RNF144B: variants seen among roughly 807,000 people sequenced by gnomAD.
The protein encoded by RNF144B is E3 ubiquitin-protein ligase RNF144B.
Under a neutral mutation model 40.2 loss-of-function variants are expected in RNF144B, and 25 were observed. The ratio of observed to expected loss-of-function variants is 0.62; its 90% CI spans 0.45 to 0.87. The LOEUF (loss-of-function observed/expected upper bound fraction) is 0.87. RNF144B is among the 40% of genes least tolerant of loss of function. The probability of loss-of-function intolerance (pLI) is 0.00; values close to 1 mark genes in which losing one functional copy is unlikely to be tolerated. For missense variants in RNF144B, 365 were observed against 373.7 expected, an observed-to-expected ratio of 0.98 and a Z score of 0.19; for synonymous variants, 145 against 136.3, an observed-to-expected ratio of 1.06 and a Z score of -0.44.
Position 18,457,023 on chromosome 6 carries a change from T to G in RNF144B, c.332-132T>G, listed in dbSNP as rs1759343968. ...TTGCAGTGAGCTGAAATCATGCCAC[T>G]GTACTCCAGCCTGGGCGACAGAGTG... On this transcript the variant is annotated intron_variant, in intron 4 of 7. Coordinates refer to ENST00000259939, the MANE Select transcript of RNF144B (RefSeq NM_182757.4). The surrounding 1 kb of genome is among the most constrained non-coding windows in gnomAD (Gnocchi z 5.1). 1.0e-5 allele frequency: 8 copies of G among 774,312 alleles called. No individual in the cohort carries two copies. Among genetic ancestry groups the G allele is most frequent in the Non-Finnish European group, 1.8e-5 (8 of 442,334 alleles). 48.0% of individuals were successfully genotyped at this position (774,312 alleles called of 1,614,324 possible).
In RNF144B at chr6:18,410,791, G is replaced by T. The variant is rs957817813; in HGVS notation, c.165+11092G>T. On this transcript the variant is annotated intron_variant, in intron 2 of 7. Transcript: ENST00000259939. The surrounding 1 kb of genome is among the most constrained non-coding windows in gnomAD (Gnocchi z 4.6). ...AGAGAATGGACTGAAAGTGGGCAAG[G>T]CTGGAGCAGGAGGAGGGAACCATGG... 3.3e-5 allele frequency among the ~76,000 whole-genome samples: 5 copies of T among 152,158 alleles called. No individual in the cohort carries two copies. Among genetic ancestry groups the T allele is most frequent in the Admixed American group, 6.5e-5 (1 of 15,286 alleles).
At chr6:18,390,712 G>A (rs1015868088) in intron 1 of RNF144B, among the ~76,000 whole-genome samples, 8 of 152,204 alleles carry the variant, frequency 5.3e-5, no homozygotes, top group African/African-American at 1.9e-4. Context: ...ACTCGTTTCT[G>A]TCTGTTGAAC....
chr6:18,401,441 G>A, intron 2 of RNF144B, among the ~76,000 whole-genome samples: 1 of 152,202 alleles, frequency 6.6e-6, no homozygotes, highest in East Asian at 1.9e-4. Context: ...ATGTTTTTTG[G>A]TATCCCTCAA....
chr6:18,388,729 G>A (rs774313092), intron 1 of RNF144B, among the ~76,000 whole-genome samples: 1 of 151,986 alleles, frequency 6.6e-6, no homozygotes, highest in Non-Finnish European at 1.5e-5. Flanking sequence ...AAAGCCACTT[G>A]TAGATAATTG....
chr6:18,447,925 G>T lies in RNF144B; in HGVS notation c.331+8181G>T, dbSNP rs752024809. 7.9e-5 allele frequency among the ~76,000 whole-genome samples: 12 copies of T among 152,224 alleles called. No individual in the cohort carries two copies. The East Asian group carries it at 2.3e-3, about 29-fold the overall frequency. On this transcript the variant is annotated intron_variant, in intron 4 of 7. Transcript: ENST00000259939. This position sits in a 1 kb window ranked among gnomAD's most constrained non-coding sequence, Gnocchi z 5.6. ...GCCAGAAATATGAATCCAGAAGGTGGGTGAAGACAGTGTTTAAGGAGGAGA... is the reference window on the plus strand; with the variant it reads ...GCCAGAAATATGAATCCAGAAGGTGTGTGAAGACAGTGTTTAAGGAGGAGA...
chr6:18,417,754 G>A (rs1253810229), intron 2 of RNF144B, among the ~76,000 whole-genome samples: 1 of 152,126 alleles, frequency 6.6e-6, no homozygotes, highest in Admixed American at 6.6e-5. Flanking sequence ...CAAAATTAAA[G>A]ACCTTTTTGC....
Position 18,459,510 on chromosome 6 carries a change from T to C in RNF144B, c.537-97T>C, listed in dbSNP as rs1238571905. On this transcript the variant is annotated intron_variant, in intron 5 of 7. Coordinates refer to ENST00000259939, the MANE Select transcript of RNF144B (RefSeq NM_182757.4). This position sits in a 1 kb window ranked among gnomAD's most constrained non-coding sequence, Gnocchi z 4.2. ...CTTTCTTTTGGAAGTGAATTAAGCA[T>C]GGATAACTGTGAGTTCATTATCTAA... 2 of 1,239,582 alleles carry C rather than the reference T, an allele frequency of 1.6e-6. No homozygotes were observed. The highest frequency in any genetic ancestry group is 2.9e-4 in the Middle Eastern group (1 of 3,462). 76.8% of individuals were successfully genotyped at this position (1,239,582 alleles called of 1,614,324 possible).
rs138220853 is a variant in RNF144B, at chr6:18,400,615, G to A, written c.165+916G>A. ...AAGGTTGGTCGGTTAAGGTATAAAGGTAGGAAATAGATTGAGTTCCTGTAG... is the reference window on the plus strand; with the variant it reads ...AAGGTTGGTCGGTTAAGGTATAAAGATAGGAAATAGATTGAGTTCCTGTAG... On this transcript the variant is annotated intron_variant, in intron 2 of 7. Transcript: ENST00000259939. The surrounding 1 kb of genome is among the most constrained non-coding windows in gnomAD (Gnocchi z 5.6). 1.3e-5 allele frequency among the ~76,000 whole-genome samples: 2 copies of A among 152,250 alleles called. No homozygotes were observed. Among genetic ancestry groups the A allele is most frequent in the Non-Finnish European group, 1.5e-5 (1 of 68,022 alleles).
chr6:18,390,350 C>T (rs1424594788), intron 1 of RNF144B, among the ~76,000 whole-genome samples: 1 of 151,996 alleles, frequency 6.6e-6, no homozygotes, highest in East Asian at 1.9e-4. Flanking sequence ...TGCTATTTAC[C>T]CAGTCGGTGA....
Position 18,450,994 on chromosome 6 carries a change from G to A in RNF144B, c.332-6161G>A, listed in dbSNP as rs370783024. On this transcript the variant is annotated intron_variant, in intron 4 of 7. Coordinates refer to ENST00000259939, the MANE Select transcript of RNF144B (RefSeq NM_182757.4). The surrounding 1 kb of genome is among the most constrained non-coding windows in gnomAD (Gnocchi z 4.7). ...CCTGTTTTTAGAGTTGATTAAAGGGGAAACTACATTTGGATATTTGGATAA... is the reference window on the plus strand; with the variant it reads ...CCTGTTTTTAGAGTTGATTAAAGGGAAAACTACATTTGGATATTTGGATAA... 3.0e-4 allele frequency among the ~76,000 whole-genome samples: 46 copies of A among 152,224 alleles called. No individual in the cohort carries two copies. Among genetic ancestry groups the A allele is most frequent in the African/African-American group, 1.1e-3 (45 of 41,536 alleles).
intron 2 of RNF144B, 118 bp downstream of exon 2, chr6:18,399,817 G>C (rs962890156): frequency 7.8e-6 from 6 of 769,972 alleles, no homozygotes; most frequent in Non-Finnish European, 1.2e-5. Context: ...ATCCTGCTTT[G>C]GAAAGCATTT....
At position 18,441,737 on chromosome 6, in the gene RNF144B, G is replaced by A. The variant is rs1199937490; in HGVS notation, c.331+1993G>A. ...TGGTAAGCTGTGTGACCATGGCAAG[G>A]TCCTTAATATTTCTGCATCTCAACT... On this transcript the variant is annotated intron_variant, in intron 4 of 7. Coordinates refer to ENST00000259939, the MANE Select transcript of RNF144B (RefSeq NM_182757.4). The surrounding 1 kb of genome is among the most constrained non-coding windows in gnomAD (Gnocchi z 4.9). Among the ~76,000 whole-genome samples, 1 of 152,126 alleles carries A rather than the reference G, an allele frequency of 6.6e-6. No individual in the cohort carries two copies. Among genetic ancestry groups the A allele is most frequent in the Admixed American group, 6.6e-5 (1 of 15,254 alleles).
chr6:18,416,405 C>T lies in RNF144B; in HGVS notation c.166-11176C>T, dbSNP rs1795149902. Among the ~76,000 whole-genome samples the T allele has an allele frequency of 6.6e-6, 1 of 152,310 alleles. No individual in the cohort carries two copies. Among genetic ancestry groups the T allele is most frequent in the Middle Eastern group, 3.4e-3 (1 of 294 alleles). On this transcript the variant is annotated intron_variant, in intron 2 of 7. Transcript: ENST00000259939. This position sits in a 1 kb window ranked among gnomAD's most constrained non-coding sequence, Gnocchi z 5.5. ...TTTGGCTTTCTTGTGAAGCCTGGAC[C>T]AGGCTGCAGCATTTCCAATGGGTTT... is the stretch of plus-strand genomic sequence containing the variant.
At chr6:18,421,822 G>A (rs1307310350) in intron 2 of RNF144B, among the ~76,000 whole-genome samples, 2 of 152,192 alleles carry the variant, frequency 1.3e-5, no homozygotes, top group Non-Finnish European at 2.9e-5. Context: ...GCCACACTAG[G>A]GGATGAGGCA....
chr6:18,443,973 C>T lies in RNF144B; in HGVS notation c.331+4229C>T, dbSNP rs537959277. ...AGAGATTGCTGCTGCTCTGGAAAAACGTAGAATCAGAGTAGATGCAGTACT... is the reference window on the plus strand; with the variant it reads ...AGAGATTGCTGCTGCTCTGGAAAAATGTAGAATCAGAGTAGATGCAGTACT... On this transcript the variant is annotated intron_variant, in intron 4 of 7. Coordinates refer to ENST00000259939, the MANE Select transcript of RNF144B (RefSeq NM_182757.4). This position sits in a 1 kb window ranked among gnomAD's most constrained non-coding sequence, Gnocchi z 4.7. Among the ~76,000 whole-genome samples the T allele has an allele frequency of 1.3e-5, 2 of 152,244 alleles. No individual in the cohort carries two copies. The highest frequency in any genetic ancestry group is 1.9e-4 in the East Asian group (1 of 5,162).
intron 1 of RNF144B, among the ~76,000 whole-genome samples, chr6:18,394,504 A>G (rs1164977524): frequency 1.3e-5 from 2 of 151,996 alleles, no homozygotes; most frequent in African/African-American, 4.8e-5. Context: ...ACGCTGAGGC[A>G]GGAGAATTGG....
Position 18,406,077 on chromosome 6 carries a change from G to A in RNF144B, c.165+6378G>A, listed in dbSNP as rs1345549120. ...TATTTATTCAACAAATATTTGCTGTGTCTTGCATAGTTCTGATGGTTTGAA... is the reference window on the plus strand; with the variant it reads ...TATTTATTCAACAAATATTTGCTGTATCTTGCATAGTTCTGATGGTTTGAA... On this transcript the variant is annotated intron_variant, in intron 2 of 7. Transcript: ENST00000259939. The surrounding 1 kb of genome is among the most constrained non-coding windows in gnomAD (Gnocchi z 4.2). 1.9e-6 allele frequency: 1 copy of A among 518,872 alleles called. No individual in the cohort carries two copies. The highest frequency in any genetic ancestry group is 3.8e-6 in the Non-Finnish European group (1 of 259,856). The allele number at this position is 518,872 out of a possible 1,614,324, so 32.1% of individuals were successfully genotyped here. A position where few individuals can be genotyped will look rare whatever the true frequency, so the allele number is the denominator to read the frequency against.
chr6:18,459,690 C>T lies in RNF144B; in HGVS notation c.620C>T (p.Ala207Val), dbSNP rs1168328304. 5.0e-6 allele frequency: 8 copies of T among 1,613,996 alleles called. No individual in the cohort carries two copies. Among genetic ancestry groups the T allele is most frequent in the East Asian group, 2.2e-5 (1 of 44,890 alleles). ...TATATCGAACGCAATGAAGGCTGCG[C>T]TCAGATGATGTGCAAAAACTGCAAG... The part of the protein sequence containing the change: ...RVYIERNEGC[A>V]QMMCKNCKHT... Residue 207 changes from alanine to valine, a missense_variant, in exon 6 of 8, where the codon GCT becomes GTT. Physicochemically the swap from Ala to Val is moderately conservative, Grantham distance 64 (BLOSUM62 0). Coordinates refer to ENST00000259939, the MANE Select transcript of RNF144B (RefSeq NM_182757.4). The surrounding 1 kb of genome is among the most constrained non-coding windows in gnomAD (Gnocchi z 4.2).
chr6:18,451,115 G>A lies in RNF144B; in HGVS notation c.332-6040G>A, dbSNP rs1759200925. Reference sequence around the variant, plus strand: ...AATATTTGTTGATAATTTCATTTTTGTTATCTCATGGGATGCACTGTCATT... The same window carrying A: ...AATATTTGTTGATAATTTCATTTTTATTATCTCATGGGATGCACTGTCATT... On this transcript the variant is annotated intron_variant, in intron 4 of 7. Coordinates refer to ENST00000259939, the MANE Select transcript of RNF144B (RefSeq NM_182757.4). Among the ~76,000 whole-genome samples, 2 of 152,054 alleles carry A rather than the reference G, an allele frequency of 1.3e-5. 1 individual carries two copies. Among genetic ancestry groups the A allele is most frequent in the South Asian group, 4.1e-4 (2 of 4,828 alleles).
Sources: allele counts gnomAD v4.1 joint callset (sites outside exome capture counted in the v4.1 genomes callset), GRCh38; gene constraint gnomAD v4.1.1; non-coding constraint Gnocchi (gnomAD v3.1); transcripts MANE v1.5; gene names NCBI Gene and HGNC (gene_info 2026-07-23, HGNC 2026-07-21).